Variants in GOLGA6L2 observed in about 807,000 individuals in gnomAD.
GOLGA6L2 encodes golgin A6 family like 2, also known as golgin subfamily A member 6-like protein 2.
A neutral mutation model predicts 35.9 loss-of-function variants in GOLGA6L2; 30 were observed. That is an observed-to-expected ratio of 0.83 (90% confidence interval 0.62 to 1.13). The LOEUF is 1.13. GOLGA6L2 is among the 50% of genes most tolerant of loss of function. The probability of loss-of-function intolerance (pLI) is 0.00; values close to 1 mark genes in which losing one functional copy is unlikely to be tolerated. For synonymous variants in GOLGA6L2, 297 were observed against 344.0 expected (o/e 0.86, Z 1.51); for missense variants, 821 against 973.4 (o/e 0.84, Z 2.08).
intron 1 of GOLGA6L2, among the ~76,000 whole-genome samples, chr15:23,446,435 GCAGAAA>G (rs1408215318): frequency 6.6e-6 from 1 of 152,220 alleles, no homozygotes; most frequent in African/African-American, 2.4e-5. Flanking sequence ...ACCAGAGGAA[GCAGAAA>G]CAGGGTGAGA....
At position 23,442,065 on chromosome 15, in the gene GOLGA6L2, G is replaced by A; in HGVS notation, c.706C>T (p.Leu236Phe). 25 of 1,545,478 alleles carry A rather than the reference G, an allele frequency of 1.6e-5. No individual in the cohort carries two copies. Among genetic ancestry groups the A allele is most frequent in the South Asian group, 4.7e-5 (4 of 84,998 alleles). Residue 236 changes from leucine to phenylalanine, a missense_variant, in exon 7 of 8, where the codon CTT (leucine) becomes TTT (phenylalanine). Physicochemically the swap from Leu to Phe is conservative, Grantham distance 22. This residue lies in a region of GOLGA6L2 where 614 missense variants were observed against 632.3 expected (regional missense o/e 0.97). Transcript: ENST00000567107. ...ATCTCAGACTTTTCAGATTCTGCAA[G>A]TCGAAGTTTTTCTTGTAGTTCGGCA... ...KNAELQEKLRLAESEKSEIQL... is the reference protein window; with the variant it reads ...KNAELQEKLRFAESEKSEIQL...
intron 2 of GOLGA6L2, among the ~76,000 whole-genome samples, 183 bp from the exon 3 acceptor site, chr15:23,444,683 G>A (rs1886739818): frequency 6.6e-6 from 1 of 152,116 alleles, no homozygotes; most frequent in Non-Finnish European, 1.5e-5. Flanking sequence ...GTTGGTTTTT[G>A]CCCTCAGCCA....
intron 6 of GOLGA6L2, 130 bp from the exon 7 acceptor site, chr15:23,442,250 C>T (rs2070702365): frequency 1.5e-5 from 18 of 1,234,454 alleles, no homozygotes; most frequent in Non-Finnish European, 2.0e-5. Flanking sequence ...ATTAAAAGTC[C>T]CAGGTGGCAG....
At chr15:23,441,753 T>G in intron 7 of GOLGA6L2, 71 bp from the exon 8 acceptor site, 1 of 1,425,000 alleles carries the variant, frequency 7.0e-7, no homozygotes, top group East Asian at 2.5e-5. Context: ...TCATCTATGA[T>G]TCTTTAAAAA....
rs1252487335 is a variant in GOLGA6L2, at chr15:23,441,596, C to T, written c.879G>A (p.Glu293=). The part of the protein sequence containing the change: ...EQEKKIRKQE[E]KMWRQEERLR... Reference sequence around the variant, plus strand: ...GTCTCTCCTCCTGTCTCCACATCTTCTCCTCCTGCTTCCGTATCTTCTTTT... The same window carrying T: ...GTCTCTCCTCCTGTCTCCACATCTTTTCCTCCTGCTTCCGTATCTTCTTTT... Residue 293 remains glutamate, a synonymous_variant, in exon 8 of 8, where the codon GAG becomes GAA. Transcript: ENST00000567107. The T allele has an allele frequency of 4.5e-6, 7 of 1,549,332 alleles. No individual in the cohort carries two copies. Among genetic ancestry groups the T allele is most frequent in the Non-Finnish European group, 5.2e-6 (6 of 1,146,818 alleles).
intron 3 of GOLGA6L2, 42 bp from the exon 4 acceptor site, chr15:23,444,254 G>T: frequency 6.3e-7 from 1 of 1,588,822 alleles, no homozygotes; most frequent in Non-Finnish European, 8.6e-7. Flanking sequence ...GGGGGAGGCA[G>T]AGATCCACAG....
chr15:23,442,010 T>A lies in GOLGA6L2; in HGVS notation c.761A>T (p.Lys254Ile). 6.5e-7 allele frequency: 1 copy of A among 1,545,160 alleles called. No homozygotes were observed. Among genetic ancestry groups the A allele is most frequent in the South Asian group, 1.2e-5 (1 of 84,678 alleles). Residue 254 changes from lysine to isoleucine, a missense_variant, in exon 7 of 8, where the codon AAA becomes ATA. Lys to Ile is a moderately radical substitution (Grantham distance 102). Coordinates refer to ENST00000567107, the MANE Select transcript of GOLGA6L2 (RefSeq NM_001304388.2). ...CAGCAGGAACTTGGCCCTCTCCAGT[T>A]TCCTTTTTAGCTCCTTCACGTTGAG... ...IQLNVKELKRKLERAKFLLPQ... is the reference protein window; with the variant it reads ...IQLNVKELKRILERAKFLLPQ...
chr15:23,439,092 A>G lies in GOLGA6L2; in HGVS notation c.*653T>C, dbSNP rs1240740310. ...CCATAAAACAAAACAAGACTAAATGAGAAAGACCAAGAAGAAAAACAATAG... is the reference window on the plus strand; with the variant it reads ...CCATAAAACAAAACAAGACTAAATGGGAAAGACCAAGAAGAAAAACAATAG... On this transcript the variant is annotated 3_prime_UTR_variant, in exon 8 of 8. Transcript: ENST00000567107. 6.6e-6 allele frequency among the ~76,000 whole-genome samples: 1 copy of G among 152,180 alleles called. No individual in the cohort carries two copies. Among genetic ancestry groups the G allele is most frequent in the Non-Finnish European group, 1.5e-5 (1 of 68,022 alleles).
In GOLGA6L2 at chr15:23,439,736, T is replaced by G. The variant is rs2070626250; in HGVS notation, c.*9A>C. 6.5e-7 allele frequency: 1 copy of G among 1,536,362 alleles called. No homozygotes were observed. Among genetic ancestry groups the G allele is most frequent in the African/African-American group, 1.4e-5 (1 of 72,922 alleles). ...TCCTGCAGGCTCCACACTGCCAGTG[T>G]GGCTCATATTACAAAGAACTTTGGA... On this transcript the variant is annotated 3_prime_UTR_variant, in exon 8 of 8. Transcript: ENST00000567107.
At position 23,442,040 on chromosome 15, in the gene GOLGA6L2, A is replaced by G. The variant is rs1377983490; in HGVS notation, c.731T>C (p.Ile244Thr). Residue 244 changes from isoleucine (I) to threonine (T), a missense_variant, in exon 7 of 8, where the codon ATC (isoleucine) becomes ACC (threonine). Ile to Thr is a moderately conservative substitution (Grantham distance 89). Around this residue, in one of 7 missense-constraint regions of GOLGA6L2, gnomAD observed 614 missense variants for 632.3 expected, o/e 0.97. Coordinates refer to ENST00000567107, the MANE Select transcript of GOLGA6L2 (RefSeq NM_001304388.2). ...LRLAESEKSE[I>T]QLNVKELKRK... The stretch of plus-strand genomic sequence containing the variant: ...TTTTAGCTCCTTCACGTTGAGCTGG[A>G]TCTCAGACTTTTCAGATTCTGCAAG... 6.5e-7 allele frequency: 1 copy of G among 1,544,842 alleles called. No homozygotes were observed. The highest frequency in any genetic ancestry group is 1.4e-5 in the African/African-American group (1 of 73,498).
rs1243990094 is a variant in GOLGA6L2 at position 23,439,750 on chromosome 15, AAG to A, written c.2723_2724del (p.Ser908PhefsTer4). ...CACTGCCAGTGTGGCTCATATTACA[AAG>A]AACTTTGGAGGGAGGGAGGCAGGGC... ...LRALPPSLQS[S>X]L On this transcript the variant is annotated frameshift_variant, in exon 8 of 8. Coordinates refer to ENST00000567107, the MANE Select transcript of GOLGA6L2 (RefSeq NM_001304388.2). LOFTEE classifies it high-confidence loss of function. 1.3e-6 allele frequency: 2 copies of A among 1,535,702 alleles called. No homozygotes were observed.
chr15:23,444,512 G>C lies in GOLGA6L2; in HGVS notation c.214-12C>G. On this transcript the variant is annotated splice_polypyrimidine_tract_variant and intron_variant, in intron 2 of 7. Coordinates refer to ENST00000567107, the MANE Select transcript of GOLGA6L2 (RefSeq NM_001304388.2). ...CGGTTCTGTTGTGTCTGTGGGGAGAGTCAAAGGAAGGTGACTGAGGGTGGC... is the reference window on the plus strand; with the variant it reads ...CGGTTCTGTTGTGTCTGTGGGGAGACTCAAAGGAAGGTGACTGAGGGTGGC... 1 of 1,599,298 alleles carries C rather than the reference G, an allele frequency of 6.3e-7. No homozygotes were observed. The highest frequency in any genetic ancestry group is 8.5e-7 in the Non-Finnish European group (1 of 1,179,614).
At position 23,447,218 on chromosome 15, in the gene GOLGA6L2, G is replaced by C; in HGVS notation, c.-37C>G. On this transcript the variant is annotated 5_prime_UTR_variant, in exon 1 of 8. Transcript: ENST00000567107. ...AGACGAGGACAAGGATACACCTCCA[G>C]TCACGTACCACGCAGCTATGTGACT... 1.7e-6 allele frequency: 2 copies of C among 1,162,882 alleles called. No individual in the cohort carries two copies. The highest frequency in any genetic ancestry group is 1.3e-6 in the Non-Finnish European group (1 of 771,782). 72.0% of individuals were successfully genotyped at this position (1,162,882 alleles called of 1,614,324 possible). A position where few individuals can be genotyped will look rare whatever the true frequency, so the allele number is the denominator to read the frequency against.
rs1355230070 is a variant in GOLGA6L2, at chr15:23,440,908, G to A, written c.1567C>T (p.Gln523Ter). ...IWEQEEKIRD[Q>*]EEMWGQEKKM... ...TTCTCCTGCCCCCACATCTCCTCCT[G>A]GTCCCGTATCTTCTCCTCCTGCTCC... The change falls in exon 8 of 8, where the codon CAG becomes TAG. Residue 523 changes from glutamine to a stop codon, truncating the protein, a stop_gained. Coordinates refer to ENST00000567107, the MANE Select transcript of GOLGA6L2 (RefSeq NM_001304388.2). LOFTEE classifies it low-confidence loss of function (END_TRUNC). 3 of 1,405,008 alleles carry A rather than the reference G, an allele frequency of 2.1e-6. No individual in the cohort carries two copies. Among genetic ancestry groups the A allele is most frequent in the African/African-American group, 3.5e-5 (2 of 57,774 alleles). 87.0% of individuals were successfully genotyped at this position (1,405,008 alleles called of 1,614,324 possible).
Position 23,443,775 on chromosome 15 carries a change from A to T in GOLGA6L2, c.591+2T>A. 6.5e-7 allele frequency: 1 copy of T among 1,535,726 alleles called. No homozygotes were observed. The highest frequency in any genetic ancestry group is 8.7e-7 in the Non-Finnish European group (1 of 1,146,342). On this transcript the variant is annotated splice_donor_variant, in intron 5 of 7. Coordinates refer to ENST00000567107, the MANE Select transcript of GOLGA6L2 (RefSeq NM_001304388.2). LOFTEE classifies it high-confidence loss of function. ...GGAGACTGGGGAGGTGATTGGACTT[A>T]CCCTGTCTGCCTTCTTGTGCCATGT...
In GOLGA6L2 at chr15:23,444,083, A is replaced by AAAAG. The variant is rs775083427; in HGVS notation, c.295-14_295-11dup. ...TTGTATGATCCTGGGCCTTTGGGAG[A>AAAAG]AAAGACAAGCAAGTGCTGAAAGAGA... On this transcript the variant is annotated splice_polypyrimidine_tract_variant and intron_variant, in intron 4 of 7. Coordinates refer to ENST00000567107, the MANE Select transcript of GOLGA6L2 (RefSeq NM_001304388.2). 6.3e-7 allele frequency: 1 copy of AAAAG among 1,574,980 alleles called. No individual in the cohort carries two copies. Among genetic ancestry groups the AAAAG allele is most frequent in the African/African-American group, 1.3e-5 (1 of 74,090 alleles).
intron 3 of GOLGA6L2, 45 bp downstream of exon 3, chr15:23,444,426 C>T (rs755429946): frequency 6.3e-7 from 1 of 1,593,956 alleles, no homozygotes; most frequent in Non-Finnish European, 8.5e-7. Flanking sequence ...ATCTGAGTGC[C>T]CTCCAAACCC....
At chr15:23,445,006 A>AG in intron 2 of GOLGA6L2, among the ~76,000 whole-genome samples, 1 of 140,266 alleles carries the variant, frequency 7.1e-6, no homozygotes, top group East Asian at 2.1e-4. Context: ...CCCAAAGAGG[A>AG]GGGGAGCTTA....
rs1202867431 is a variant in GOLGA6L2, at chr15:23,443,765, G to T, written c.591+12C>A. On this transcript the variant is annotated intron_variant, in intron 5 of 7. Transcript: ENST00000567107. ...TGGGATCCCAGGAGACTGGGGAGGT[G>T]ATTGGACTTACCCTGTCTGCCTTCT... 1 of 1,532,542 alleles carries T rather than the reference G, an allele frequency of 6.5e-7. No homozygotes were observed. The highest frequency in any genetic ancestry group is 1.2e-5 in the South Asian group (1 of 83,872). 94.9% of individuals were successfully genotyped at this position (1,532,542 alleles called of 1,614,324 possible).
Sources: allele counts gnomAD v4.1 joint callset (sites outside exome capture counted in the v4.1 genomes callset), GRCh38; gene constraint gnomAD v4.1.1; regional missense constraint gnomAD v4.1.1; transcripts MANE v1.5; gene names NCBI Gene and HGNC (gene_info 2026-07-23, HGNC 2026-07-21).